KCNH1: variants seen among roughly 807,000 people sequenced by gnomAD.
KCNH1 encodes voltage-gated delayed rectifier potassium channel KCNH1.
KCNH1 carries 27 observed loss-of-function variants against 69.2 expected under a neutral mutation model. The observed-to-expected ratio is 0.39, with a 90% CI of 0.29 to 0.54. The LOEUF (loss-of-function observed/expected upper bound fraction) is 0.54, where lower values mean the gene tolerates loss of function less well. Among genes scored for constraint, KCNH1 ranks in the 20% least tolerant of loss-of-function variants. The pLI is 0.68. For synonymous variants in KCNH1, 456 were observed against 487.7 expected, an observed-to-expected ratio of 0.93 and a Z score of 0.86; for missense variants, 798 against 1,261.6, an observed-to-expected ratio of 0.63 and a Z score of 5.57.
At chr1:211,088,040 C>T (rs1690988813) in intron 4 of KCNH1, among the ~76,000 whole-genome samples, 1 of 152,100 alleles carries the variant, frequency 6.6e-6, no homozygotes, top group Non-Finnish European at 1.5e-5. Context: ...AGGATGCACC[C>T]ACCCCAGCCC....
intron 10 of KCNH1, among the ~76,000 whole-genome samples, chr1:210,764,068 C>T (rs1683573220): frequency 6.6e-6 from 1 of 152,016 alleles, no homozygotes; most frequent in Non-Finnish European, 1.5e-5. Context: ...TGAAGCCACA[C>T]ACCTAAAACT....
intron 3 of KCNH1, among the ~76,000 whole-genome samples, chr1:211,094,060 T>C (rs1362494232): frequency 6.6e-6 from 1 of 152,218 alleles, no homozygotes; most frequent in Non-Finnish European, 1.5e-5. Context: ...ATAAAAGTAG[T>C]ATCTTATCCT....
At position 210,957,202 on chromosome 1, in the gene KCNH1, G is replaced by A. The variant is rs534339752; in HGVS notation, c.1033-37133C>T. 1.2e-4 allele frequency among the ~76,000 whole-genome samples: 18 copies of A among 152,274 alleles called. No homozygotes were observed. The East Asian group carries it at 3.1e-3, about 26-fold the overall frequency. ...TAGTCATTCAGGAGCAGACTGTTCAGTTTCCATGTAGTTGTGAAGTCTTGA... is the reference window on the plus strand; with the variant it reads ...TAGTCATTCAGGAGCAGACTGTTCAATTTCCATGTAGTTGTGAAGTCTTGA... On this transcript the variant is annotated intron_variant, in intron 6 of 10. Transcript: ENST00000271751.
intron 10 of KCNH1, among the ~76,000 whole-genome samples, chr1:210,734,197 T>C (rs1682814617): frequency 6.6e-6 from 1 of 152,208 alleles, no homozygotes; most frequent in African/African-American, 2.4e-5. Flanking sequence ...ATAAAAGAGA[T>C]AAACTAGGGG....
chr1:211,061,705 C>A (rs973944823), intron 5 of KCNH1, among the ~76,000 whole-genome samples: 1 of 151,966 alleles, frequency 6.6e-6, no homozygotes, highest in Non-Finnish European at 1.5e-5. Context: ...ATCAAGAAAG[C>A]GATTCCATTT....
intron 9 of KCNH1, among the ~76,000 whole-genome samples, chr1:210,782,749 A>G (rs1770216): frequency 0.17 from 25,566 of 151,918 alleles, 2,303 homozygotes; most frequent in Non-Finnish European, 0.2. Flanking sequence ...AAGAAAGAAA[A>G]AAAGATTAGT....
In KCNH1 at chr1:210,919,552, C is replaced by T; in HGVS notation, c.1462+88G>A. ...CTCTTCCTTGTTTTAAGTTATTATT[C>T]TCCTGATCCTGCTGGCACTGTAGCC... On this transcript the variant is annotated intron_variant, in intron 7 of 10. Coordinates refer to ENST00000271751, the MANE Select transcript of KCNH1 (RefSeq NM_172362.3). The surrounding 1 kb of genome is among the most constrained non-coding windows in gnomAD (Gnocchi z 4.2). 8.3e-7 allele frequency: 1 copy of T among 1,201,788 alleles called. No individual in the cohort carries two copies. The highest frequency in any genetic ancestry group is 1.2e-6 in the Non-Finnish European group (1 of 839,486). The allele number at this position is 1,201,788 out of a possible 1,614,324, so 74.4% of individuals were successfully genotyped here.
chr1:210,834,038 G>A (rs906185867), intron 7 of KCNH1, among the ~76,000 whole-genome samples: 1 of 152,188 alleles, frequency 6.6e-6, no homozygotes, highest in African/African-American at 2.4e-5. Context: ...GGAAACAACA[G>A]CTGCTGGACA....
chr1:211,049,251 CA>C (rs1475748928), intron 5 of KCNH1, among the ~76,000 whole-genome samples: 1 of 152,012 alleles, frequency 6.6e-6, no homozygotes, highest in Admixed American at 6.6e-5. Flanking sequence ...AGTACTTTAA[CA>C]ACAAGGGAAA....
rs139517909 is a variant in KCNH1 at position 210,882,464 on chromosome 1, C to T, written c.1462+37176G>A. 3.4e-3 allele frequency among the ~76,000 whole-genome samples: 514 copies of T among 152,276 alleles called. 3 individuals are homozygous for T. The highest frequency in any genetic ancestry group is 0.02 in the Middle Eastern group (6 of 294). On this transcript the variant is annotated intron_variant, in intron 7 of 10. Coordinates refer to ENST00000271751, the MANE Select transcript of KCNH1 (RefSeq NM_172362.3). Reference sequence around the variant, plus strand: ...CCACCGCCATTGTATAACATCTAAACTCATTCCCCAGATTTCAGGATCAAA... The same window carrying T: ...CCACCGCCATTGTATAACATCTAAATTCATTCCCCAGATTTCAGGATCAAA...
chr1:211,055,230 T>C (rs1432748194), intron 5 of KCNH1, among the ~76,000 whole-genome samples: 1 of 152,170 alleles, frequency 6.6e-6, no homozygotes, highest in Non-Finnish European at 1.5e-5. Flanking sequence ...CCACTTGGCA[T>C]GGAGAGAGAA....
At chr1:210,969,422 C>G (rs1688471189) in intron 6 of KCNH1, among the ~76,000 whole-genome samples, 1 of 151,964 alleles carries the variant, frequency 6.6e-6, no homozygotes. Flanking sequence ...TCACCTGGTA[C>G]TTACATTTTC....
intron 7 of KCNH1, among the ~76,000 whole-genome samples, chr1:210,862,672 TC>T (rs1233194047): frequency 6.6e-6 from 1 of 152,160 alleles, no homozygotes; most frequent in African/African-American, 2.4e-5. Flanking sequence ...GAAAAACAAT[TC>T]CTTTTTGCTT....
intron 10 of KCNH1, among the ~76,000 whole-genome samples, chr1:210,729,209 T>TAA (rs1682682415): frequency 6.6e-6 from 1 of 152,226 alleles, no homozygotes; most frequent in African/African-American, 2.4e-5. Context: ...GGTACATTTA[T>TAA]AAGCCAAGAG....
At chr1:210,985,068 T>C (rs7415388) in intron 6 of KCNH1, among the ~76,000 whole-genome samples, 104,785 of 152,114 alleles carry the variant, frequency 0.69, 36,808 homozygotes, top group African/African-American at 0.82. Flanking sequence ...AAGTTTTTTG[T>C]GTAGAGATGT....
intron 10 of KCNH1, among the ~76,000 whole-genome samples, chr1:210,747,642 C>CAAAAAAAAAA (rs11449700): frequency 7.1e-6 from 1 of 141,414 alleles, no homozygotes; most frequent in Non-Finnish European, 1.5e-5. Context: ...CTTTCACATG[C>CAAAAAAAAAA]AAAAAAAAAA....
chr1:211,049,366 A>G (rs1034600597), intron 5 of KCNH1, among the ~76,000 whole-genome samples: 10 of 152,346 alleles, frequency 6.6e-5, no homozygotes, highest in African/African-American at 2.4e-4. Context: ...ACACTCACAT[A>G]TGTCTGGCAT....
intron 10 of KCNH1, among the ~76,000 whole-genome samples, chr1:210,756,765 C>T (rs902627377): frequency 1.3e-5 from 2 of 152,114 alleles, no homozygotes; most frequent in African/African-American, 2.4e-5. Context: ...CTTGGGGTCC[C>T]TAGACACTTC....
chr1:211,101,585 G>A (rs1237372612), intron 3 of KCNH1, among the ~76,000 whole-genome samples: 3 of 152,128 alleles, frequency 2.0e-5, no homozygotes, highest in Non-Finnish European at 4.4e-5. Context: ...TGCAATTCCA[G>A]ACCATGGTCC....
Sources: allele counts gnomAD v4.1 joint callset (sites outside exome capture counted in the v4.1 genomes callset), GRCh38; gene constraint gnomAD v4.1.1; non-coding constraint Gnocchi (gnomAD v3.1); transcripts MANE v1.5; gene names NCBI Gene and HGNC (gene_info 2026-07-23, HGNC 2026-07-21).